EFCAB6: variants seen among roughly 807,000 people sequenced by gnomAD.
EFCAB6 encodes the protein EF-hand calcium-binding domain-containing protein 6.
A neutral mutation model predicts 169.8 loss-of-function variants in EFCAB6; 156 were observed. That is an observed-to-expected ratio of 0.92 (90% CI 0.81 to 1.05). EFCAB6 has a LOEUF of 1.05. Ranked by LOEUF, EFCAB6 falls within the 50% of genes least tolerant of loss-of-function variation. The pLI is 0.00. For synonymous variants in EFCAB6, 698 were observed against 676.4 expected (o/e 1.03, Z -0.50); for missense variants, 1,800 against 1,829.1 (o/e 0.98, Z 0.29).
rs561815546 is a variant in EFCAB6 at position 43,529,945 on chromosome 22, G to A, written c.4383+870C>T. On this transcript the variant is annotated intron_variant, in intron 31 of 31. Coordinates refer to ENST00000262726, the MANE Select transcript of EFCAB6 (RefSeq NM_022785.4). ...CCATACATTTCCTATCCACATTTGC[G>A]TTATAACTTGTTTCTAGGAGGAGAC... Among the ~76,000 whole-genome samples the A allele has an allele frequency of 1.4e-4, 21 of 152,320 alleles. No homozygotes were observed. In the South Asian group the frequency reaches 1.5e-3, roughly 11 times the overall value.
chr22:43,741,063 A>C (rs2147740343), intron 6 of EFCAB6, among the ~76,000 whole-genome samples: 1 of 152,318 alleles, frequency 6.6e-6, no homozygotes, highest in Admixed American at 6.5e-5. Context: ...GGCGAGGCTT[A>C]TCAAAGGCAA....
At chr22:43,536,398 A>G (rs1432505293) in intron 29 of EFCAB6, 1 of 152,220 alleles carries the variant, frequency 6.6e-6, no homozygotes, top group Non-Finnish European at 1.5e-5. Flanking sequence ...TGATTATGAT[A>G]AAAGTAATTT....
At chr22:43,730,862 G>A (rs2059923846) in intron 8 of EFCAB6, among the ~76,000 whole-genome samples, 1 of 152,188 alleles carries the variant, frequency 6.6e-6, no homozygotes, top group Non-Finnish European at 1.5e-5. Context: ...AGTGGAACCA[G>A]GCTAAAACCT....
At chr22:43,653,131 G>A (rs184853729) in intron 17 of EFCAB6, among the ~76,000 whole-genome samples, 17 of 152,256 alleles carry the variant, frequency 1.1e-4, no homozygotes, top group African/African-American at 4.1e-4. Flanking sequence ...CAGGGAGGGA[G>A]GAGAGAATGC....
At chr22:43,777,300 A>G (rs2061671865) in intron 3 of EFCAB6, among the ~76,000 whole-genome samples, 1 of 152,178 alleles carries the variant, frequency 6.6e-6, no homozygotes, top group Admixed American at 6.5e-5. Flanking sequence ...AACTGGATAT[A>G]CGATCGGGAG....
chr22:43,574,750 C>T (rs73172044), intron 26 of EFCAB6, among the ~76,000 whole-genome samples: 17,518 of 152,080 alleles, frequency 0.12, 1,351 homozygotes, highest in South Asian at 0.22. Flanking sequence ...ACATGACAAC[C>T]AAGGGCTTAA....
intron 8 of EFCAB6, among the ~76,000 whole-genome samples, chr22:43,722,003 C>T (rs927091176): frequency 6.6e-6 from 1 of 152,026 alleles, no homozygotes; most frequent in Non-Finnish European, 1.5e-5. Context: ...TGACAAAGTC[C>T]TAATATCTAA....
intron 24 of EFCAB6, among the ~76,000 whole-genome samples, chr22:43,583,088 CTT>C (rs1031610439): frequency 6.6e-5 from 10 of 151,104 alleles, no homozygotes; most frequent in African/African-American, 2.4e-4. Flanking sequence ...AAGCTACTCT[CTT>C]TTCTCCAGAA....
At chr22:43,571,018 C>A (rs1262416642) in intron 26 of EFCAB6, among the ~76,000 whole-genome samples, 3 of 152,182 alleles carry the variant, frequency 2.0e-5, no homozygotes, top group Admixed American at 6.5e-5. Context: ...GAGGAAGGAG[C>A]AATGACAGGG....
At chr22:43,682,382 CAAT>C (rs760082020) in intron 12 of EFCAB6, among the ~76,000 whole-genome samples, 7 of 152,198 alleles carry the variant, frequency 4.6e-5, no homozygotes, top group Admixed American at 1.3e-4. Flanking sequence ...AATAGCACAA[CAAT>C]GACTTTTAAA....
intron 2 of EFCAB6, among the ~76,000 whole-genome samples, chr22:43,784,541 G>GTATA (rs1357869252): frequency 0.024 from 1,874 of 79,596 alleles, 126 homozygotes; most frequent in African/African-American, 0.063. Context: ...GTGTGTGTGT[G>GTATA]TGTATATGTA....
intron 13 of EFCAB6, among the ~76,000 whole-genome samples, chr22:43,673,638 G>C (rs988757501): frequency 1.3e-5 from 2 of 152,008 alleles, no homozygotes; most frequent in Non-Finnish European, 2.9e-5. Flanking sequence ...AAATTAGCTG[G>C]GTGTGGTGGT....
rs1470338730 is a variant in EFCAB6, at chr22:43,548,337, T to C, written c.3648+6532A>G. ...AGGTGGATCACTTGAGGTCAGAAGT[T>C]CAAGACCAGCCTGGCCAACATGGTG... On this transcript the variant is annotated intron_variant, in intron 27 of 31. Coordinates refer to ENST00000262726, the MANE Select transcript of EFCAB6 (RefSeq NM_022785.4). 3.3e-5 allele frequency among the ~76,000 whole-genome samples: 5 copies of C among 151,268 alleles called. 1 individual carries two copies. The highest frequency in any genetic ancestry group is 1.5e-5 in the Non-Finnish European group (1 of 67,806).
intron 10 of EFCAB6, among the ~76,000 whole-genome samples, chr22:43,703,249 G>A (rs1001516418): frequency 6.6e-6 from 1 of 152,202 alleles, no homozygotes; most frequent in Non-Finnish European, 1.5e-5. Context: ...TGAACTCAGA[G>A]CCAACACAGT....
At position 43,716,904 on chromosome 22, in the gene EFCAB6, C is replaced by G. The variant is rs779425563; in HGVS notation, c.826G>C (p.Glu276Gln). Residue 276 changes from glutamate (E) to glutamine (Q), a missense_variant, in exon 9 of 32, where the codon GAA (glutamate) becomes CAA (glutamine). Transcript: ENST00000262726. The stretch of plus-strand genomic sequence containing the variant: ...AAGGAGTAGTTTCTCCAGATATCTT[C>G]AGATGATGCAGAACCTAGCAAACGT... ...KERLLGSASS[E>Q]DIWRNYSLDE... The G allele has an allele frequency of 3.7e-6, 6 of 1,603,654 alleles. No individual in the cohort carries two copies. Among genetic ancestry groups the G allele is most frequent in the Non-Finnish European group, 5.1e-6 (6 of 1,175,486 alleles).
At chr22:43,730,511 G>A (rs539325832) in intron 8 of EFCAB6, among the ~76,000 whole-genome samples, 20 of 151,794 alleles carry the variant, frequency 1.3e-4, no homozygotes, top group East Asian at 5.9e-4. Flanking sequence ...CTTGAGTTTC[G>A]TTTAAATTTC....
Position 43,590,236 on chromosome 22 carries a change from G to C in EFCAB6, c.2877-7C>G. ...GCGGTCCATAAGCTTATCCCTGAAA[G>C]AGAGTACATTGCAGACATACCCTAA... On this transcript the variant is annotated splice_region_variant and splice_polypyrimidine_tract_variant and intron_variant, in intron 23 of 31. Coordinates refer to ENST00000262726, the MANE Select transcript of EFCAB6 (RefSeq NM_022785.4). The C allele has an allele frequency of 6.2e-7, 1 of 1,612,622 alleles. No homozygotes were observed. Among genetic ancestry groups the C allele is most frequent in the South Asian group, 1.1e-5 (1 of 90,614 alleles).
intron 22 of EFCAB6, among the ~76,000 whole-genome samples, chr22:43,601,694 C>T (rs2052535891): frequency 1.3e-5 from 2 of 152,206 alleles, no homozygotes; most frequent in Admixed American, 6.5e-5. Context: ...ACGTTCTTGT[C>T]CTCAAGGGGA....
chr22:43,650,755 AG>A (rs1312628887), intron 17 of EFCAB6, among the ~76,000 whole-genome samples: 1 of 152,132 alleles, frequency 6.6e-6, no homozygotes, highest in Non-Finnish European at 1.5e-5. Context: ...GTCCAGGCTG[AG>A]GGGGTCTCAG....
Sources: gnomAD v4.1 joint callset for allele counts (sites outside exome capture counted in the v4.1 genomes callset) on GRCh38, gnomAD v4.1.1 for gene constraint, MANE v1.5 for transcripts, NCBI Gene and HGNC (gene_info 2026-07-23, HGNC 2026-07-21) for gene names.